Variants in GRIN3A observed in about 807,000 individuals in gnomAD.
GRIN3A encodes glutamate receptor ionotropic, NMDA 3A.
In GRIN3A, 47 loss-of-function variants were observed where a neutral mutation model predicts 92.4. The ratio of observed to expected loss-of-function variants is 0.51; its 90% confidence interval spans 0.40 to 0.65. GRIN3A has a LOEUF of 0.65. Ranked by LOEUF, GRIN3A falls within the 30% of genes least tolerant of loss-of-function variation. The pLI, the probability that GRIN3A is intolerant of heterozygous loss-of-function variation, is 0.00. For missense variants in GRIN3A, 1,324 were observed against 1,393.1 expected (o/e 0.95, Z 0.79); for synonymous variants, 527 against 540.6 (o/e 0.97, Z 0.35).
At chr9:101,581,477 T>C (rs995097024) in intron 6 of GRIN3A, among the ~76,000 whole-genome samples, 2 of 152,194 alleles carry the variant, frequency 1.3e-5, no homozygotes, top group Non-Finnish European at 1.5e-5. Flanking sequence ...AGTGCCCTTA[T>C]AAAAGGGCTT....
intron 1 of GRIN3A, among the ~76,000 whole-genome samples, chr9:101,695,352 G>A (rs1829672128): frequency 6.6e-6 from 1 of 152,114 alleles, no homozygotes; most frequent in African/African-American, 2.4e-5. Context: ...AATCTAGGGG[G>A]CAGTATTATC....
At chr9:101,684,974 T>TTGCCA (rs1327475083) in intron 2 of GRIN3A, among the ~76,000 whole-genome samples, 2 of 152,132 alleles carry the variant, frequency 1.3e-5, no homozygotes, top group Non-Finnish European at 2.9e-5. Context: ...ATGTGCGAGC[T>TTGCCA]TGCCAACAGT....
chr9:101,674,942 T>G (rs1325177880), intron 2 of GRIN3A, among the ~76,000 whole-genome samples: 1 of 151,966 alleles, frequency 6.6e-6, no homozygotes, highest in Non-Finnish European at 1.5e-5. Flanking sequence ...TTTATTTTAG[T>G]AGGAAAAGGG....
intron 1 of GRIN3A, among the ~76,000 whole-genome samples, chr9:101,724,459 CGCGCAG>C (rs1830058746): frequency 6.6e-6 from 1 of 152,116 alleles, no homozygotes; most frequent in South Asian, 2.1e-4. Context: ...CTGACCTGCG[CGCGCAG>C]CCCTGGTTCC....
chr9:101,602,319 A>C (rs1437757351), intron 6 of GRIN3A, among the ~76,000 whole-genome samples: 1 of 152,170 alleles, frequency 6.6e-6, no homozygotes, highest in Non-Finnish European at 1.5e-5. Flanking sequence ...AGTATTTTGT[A>C]ACAACTCGCA....
chr9:101,658,166 G>A (rs1431128048), intron 3 of GRIN3A, among the ~76,000 whole-genome samples: 1 of 151,926 alleles, frequency 6.6e-6, no homozygotes, highest in Non-Finnish European at 1.5e-5. Context: ...ATATGGCTTT[G>A]GACAAGTCAT....
At chr9:101,678,927 G>T (rs1829434143) in intron 2 of GRIN3A, among the ~76,000 whole-genome samples, 1 of 152,030 alleles carries the variant, frequency 6.6e-6, no homozygotes. Context: ...CTTACCTTTT[G>T]CTTTTTGGTA....
intron 1 of GRIN3A, among the ~76,000 whole-genome samples, chr9:101,722,300 T>C (rs962929875): frequency 6.6e-6 from 1 of 152,178 alleles, no homozygotes; most frequent in Non-Finnish European, 1.5e-5. Flanking sequence ...AGAAGATGTA[T>C]AGTAATGCCT....
chr9:101,692,833 C>G (rs1478896948), intron 1 of GRIN3A, among the ~76,000 whole-genome samples: 1 of 152,150 alleles, frequency 6.6e-6, no homozygotes, highest in Non-Finnish European at 1.5e-5. Context: ...GTTCCTTTAG[C>G]AGCCCAGGCT....
intron 6 of GRIN3A, among the ~76,000 whole-genome samples, chr9:101,609,700 T>C (rs564449586): frequency 1.3e-5 from 2 of 152,166 alleles, no homozygotes; most frequent in Non-Finnish European, 2.9e-5. Context: ...CTAGGAATCA[T>C]ATGGTCCCTT....
At chr9:101,726,594 G>A (rs376648164) in intron 1 of GRIN3A, among the ~76,000 whole-genome samples, 39 of 151,402 alleles carry the variant, frequency 2.6e-4, no homozygotes, top group African/African-American at 9.2e-4. Context: ...AACTTCCTAT[G>A]GAAATGAAAA....
chr9:101,718,188 A>C (rs1829970678), intron 1 of GRIN3A, among the ~76,000 whole-genome samples: 2 of 152,248 alleles, frequency 1.3e-5, no homozygotes, highest in Non-Finnish European at 2.9e-5. Context: ...TGTGAGGAGC[A>C]CAGGGTTTGG....
At chr9:101,710,711 A>G (rs879340487) in intron 1 of GRIN3A, among the ~76,000 whole-genome samples, 2 of 152,234 alleles carry the variant, frequency 1.3e-5, no homozygotes, top group East Asian at 1.9e-4. Context: ...TTGCCAAACA[A>G]TTATGGTAAC....
intron 6 of GRIN3A, chr9:101,592,228 G>T (rs962943391): frequency 4.6e-5 from 7 of 152,316 alleles, no homozygotes; most frequent in Admixed American, 2.0e-4. Flanking sequence ...CTTGGACATG[G>T]GCTGTACACT....
intron 1 of GRIN3A, among the ~76,000 whole-genome samples, chr9:101,719,808 G>A (rs1430935943): frequency 6.6e-6 from 1 of 152,190 alleles, no homozygotes; most frequent in Non-Finnish European, 1.5e-5. Context: ...AGAAACTGAT[G>A]CAATCTTAAA....
intron 3 of GRIN3A, among the ~76,000 whole-genome samples, chr9:101,656,688 T>G (rs1323153229): frequency 6.6e-6 from 1 of 151,926 alleles, no homozygotes; most frequent in African/African-American, 2.4e-5. Context: ...TTGCCAGAAC[T>G]GCTTGTCCTT....
At chr9:101,596,639 G>A (rs149230871) in intron 6 of GRIN3A, among the ~76,000 whole-genome samples, 10 of 152,294 alleles carry the variant, frequency 6.6e-5, no homozygotes, top group Middle Eastern at 3.4e-3. Context: ...TATCTTTTGG[G>A]CATGCACTGG....
At chr9:101,661,210 T>G (rs545698922) in intron 3 of GRIN3A, among the ~76,000 whole-genome samples, 123 of 152,012 alleles carry the variant, frequency 8.1e-4, no homozygotes, top group African/African-American at 2.9e-3. Flanking sequence ...ATATTGCTAT[T>G]GTGATATTGT....
chr9:101,625,759 A>G (rs1171036783), intron 4 of GRIN3A, among the ~76,000 whole-genome samples: 1 of 152,194 alleles, frequency 6.6e-6, no homozygotes, highest in East Asian at 1.9e-4. Flanking sequence ...ATAAAAATTG[A>G]GCTGAAAGCT....
Sources: allele counts gnomAD v4.1 joint callset (sites outside exome capture counted in the v4.1 genomes callset), GRCh38; gene constraint gnomAD v4.1.1; transcripts MANE v1.5; gene names NCBI Gene and HGNC (gene_info 2026-07-23, HGNC 2026-07-21).